The following FAM193A variants were observed in gnomAD, a reference collection of about 807,000 sequenced individuals.
FAM193A encodes the protein family with sequence similarity 193 member A.
A neutral mutation model predicts 126.5 loss-of-function variants in FAM193A; 22 were observed. That is an observed-to-expected ratio of 0.17 (90% CI 0.12 to 0.25). The LOEUF is 0.25. Ranked by LOEUF, FAM193A falls within the 10% of genes least tolerant of loss-of-function variation. The pLI, the probability that FAM193A is intolerant of heterozygous loss-of-function variation, is 1.00. For missense variants in FAM193A, 1,675 were observed against 1,672.8 expected (o/e 1.00, Z -0.02); for synonymous variants, 761 against 646.8 (o/e 1.18, Z -2.68).
At chr4:2,610,903 A>T (rs1560480014) in intron 2 of FAM193A, among the ~76,000 whole-genome samples, 1 of 151,976 alleles carries the variant, frequency 6.6e-6, no homozygotes, top group Non-Finnish European at 1.5e-5. Flanking sequence ...ACGCCCAGCT[A>T]GTTGTGTATT....
At chr4:2,662,204 A>T (rs762263659) in intron 10 of FAM193A, among the ~76,000 whole-genome samples, 15 of 152,200 alleles carry the variant, frequency 9.9e-5, no homozygotes, top group South Asian at 2.1e-4. Flanking sequence ...AAAATAAAAT[A>T]AAATTAATTT....
intron 20 of FAM193A, among the ~76,000 whole-genome samples, chr4:2,721,042 G>T (rs533818225): frequency 6.6e-6 from 1 of 151,876 alleles, no homozygotes; most frequent in South Asian, 2.1e-4. Context: ...GGCCGGGCGC[G>T]GTGGTTCATG....
At chr4:2,657,398 C>T (rs1181821059) in intron 7 of FAM193A, among the ~76,000 whole-genome samples, 1 of 152,128 alleles carries the variant, frequency 6.6e-6, no homozygotes, top group Non-Finnish European at 1.5e-5. Flanking sequence ...GTCTCATATG[C>T]CTGTTAATAG....
chr4:2,688,835 C>G (rs560407414), intron 13 of FAM193A, among the ~76,000 whole-genome samples: 81 of 152,316 alleles, frequency 5.3e-4, no homozygotes, highest in African/African-American at 1.9e-3. Flanking sequence ...AGGGAGGACC[C>G]AAGGGGGCCC....
At chr4:2,634,195 G>T (rs1743875098) in intron 5 of FAM193A, among the ~76,000 whole-genome samples, 1 of 152,196 alleles carries the variant, frequency 6.6e-6, no homozygotes, top group Admixed American at 6.5e-5. Context: ...GAGATGCAGG[G>T]AGTACAGCTT....
At chr4:2,577,411 G>GTTTTTT (rs67407606) in intron 1 of FAM193A, among the ~76,000 whole-genome samples, 5 of 101,850 alleles carry the variant, frequency 4.9e-5, no homozygotes, top group Non-Finnish European at 8.5e-5. Flanking sequence ...AATTAAAGTG[G>GTTTTTT]TTTTTTTTTT....
intron 2 of FAM193A, among the ~76,000 whole-genome samples, chr4:2,621,653 G>A (rs1227559075): frequency 6.6e-6 from 1 of 152,208 alleles, no homozygotes; most frequent in African/African-American, 2.4e-5. Flanking sequence ...AGCCAGTGCA[G>A]CTGTGCAGGC....
At chr4:2,631,276 A>C (rs1743554686) in intron 5 of FAM193A, 107 bp downstream of exon 5, 1 of 959,038 alleles carries the variant, frequency 1.0e-6, no homozygotes, top group Non-Finnish European at 1.6e-6. Context: ...TCACACCCCC[A>C]CACACTGTGA....
rs138732508 is a variant in FAM193A at position 2,553,046 on chromosome 4, C to T, written c.255+15876C>T. Among the ~76,000 whole-genome samples the T allele has an allele frequency of 1.3e-3, 193 of 152,048 alleles. 1 individual carries two copies. Among genetic ancestry groups the T allele is most frequent in the African/African-American group, 4.5e-3 (188 of 41,488 alleles). ...GTATTTTAGTGGAGTCAGGGTTTTG[C>T]CATGTTGGTCAGGCTGTTGTCAAAC... On this transcript the variant is annotated intron_variant, in intron 1 of 20. Transcript: ENST00000637812.
At chr4:2,594,644 G>C (rs1197210329) in intron 1 of FAM193A, among the ~76,000 whole-genome samples, 1 of 152,024 alleles carries the variant, frequency 6.6e-6, no homozygotes, top group Non-Finnish European at 1.5e-5. Context: ...AGGGTTCGAA[G>C]GGGCTTCCTC....
At position 2,660,037 on chromosome 4, in the gene FAM193A, T is replaced by G. The variant is rs1712228452; in HGVS notation, c.1728T>G (p.Ser576Arg). 1 of 1,613,832 alleles carries G rather than the reference T, an allele frequency of 6.2e-7. No individual in the cohort carries two copies. Among genetic ancestry groups the G allele is most frequent in the African/African-American group, 1.3e-5 (1 of 74,910 alleles). The change falls in exon 10 of 21, where the codon AGT (serine) becomes AGG (arginine). Residue 576 changes from serine (S) to arginine (R), a missense_variant. Transcript: ENST00000637812. ...ACCCCAGGCTCATCCTCACAGACAG[T>G]GGCTCGGCACCAACTTTGTAAGTTG... ...QQHPRLILTD[S>R]GSAPTFCSDD...
intron 13 of FAM193A, among the ~76,000 whole-genome samples, chr4:2,680,097 G>A (rs1053850753): frequency 2.0e-5 from 3 of 152,098 alleles, no homozygotes; most frequent in African/African-American, 7.2e-5. Context: ...CTGACCTCAG[G>A]TTATCCACCC....
intron 6 of FAM193A, among the ~76,000 whole-genome samples, chr4:2,640,465 T>TG (rs1347616226): frequency 6.6e-6 from 1 of 152,202 alleles, no homozygotes; most frequent in African/African-American, 2.4e-5. Flanking sequence ...GTTTGCCCTG[T>TG]GGTACCATGT....
chr4:2,552,744 A>ACCACC (rs1738012523), intron 1 of FAM193A, among the ~76,000 whole-genome samples: 2 of 150,044 alleles, frequency 1.3e-5, no homozygotes, highest in African/African-American at 4.9e-5. Flanking sequence ...TCACCGTGTT[A>ACCACC]GCCAGGATGG....
At chr4:2,589,425 T>TA (rs1470174056) in intron 1 of FAM193A, among the ~76,000 whole-genome samples, 2 of 152,172 alleles carry the variant, frequency 1.3e-5, no homozygotes, top group African/African-American at 2.4e-5. Flanking sequence ...GTTCATTCTT[T>TA]AAAAAAAGTA....
intron 20 of FAM193A, among the ~76,000 whole-genome samples, chr4:2,721,825 C>T (rs1030261232): frequency 3.3e-5 from 5 of 152,188 alleles, no homozygotes; most frequent in African/African-American, 4.8e-5. Context: ...CTGCATGTCC[C>T]GGGGGCGGGG....
At chr4:2,548,368 G>A (rs1300441812) in intron 1 of FAM193A, among the ~76,000 whole-genome samples, 1 of 151,718 alleles carries the variant, frequency 6.6e-6, no homozygotes, top group Non-Finnish European at 1.5e-5. Context: ...ACCATGCCCG[G>A]CCTACTTTGC....
intron 1 of FAM193A, among the ~76,000 whole-genome samples, chr4:2,549,148 A>C (rs1012477848): frequency 6.6e-6 from 1 of 151,590 alleles, no homozygotes; most frequent in South Asian, 2.1e-4. Context: ...CATGTTGGCC[A>C]TGCTCGTCTT....
chr4:2,667,690 T>C (rs1375559127), intron 12 of FAM193A, among the ~76,000 whole-genome samples: 1 of 152,182 alleles, frequency 6.6e-6, no homozygotes, highest in Non-Finnish European at 1.5e-5. Context: ...AATCTAAAAT[T>C]TGTCTAACAT....
Sources: allele counts gnomAD v4.1 joint callset (sites outside exome capture counted in the v4.1 genomes callset), GRCh38; gene constraint gnomAD v4.1.1; transcripts MANE v1.5; gene names NCBI Gene and HGNC (gene_info 2026-07-23, HGNC 2026-07-21).